CNTNAP2: variants seen among roughly 807,000 people sequenced by gnomAD.
The protein encoded by CNTNAP2 is contactin-associated protein-like 2.
Under a neutral mutation model 155.2 loss-of-function variants are expected in CNTNAP2, and 98 were observed. The observed-to-expected ratio is 0.63, with a 90% confidence interval of 0.54 to 0.75. The LOEUF (loss-of-function observed/expected upper bound fraction) is 0.75, where lower values mean the gene tolerates loss of function less well. Ranked by LOEUF, CNTNAP2 falls within the 30% of genes least tolerant of loss-of-function variation. The pLI, the probability that CNTNAP2 is intolerant of heterozygous loss-of-function variation, is 0.00. For missense variants in CNTNAP2, 1,727 were observed against 1,688.1 expected, an observed-to-expected ratio of 1.02 and a Z score of -0.40; for synonymous variants, 651 against 631.2, an observed-to-expected ratio of 1.03 and a Z score of -0.47.
At chr7:148,280,216 G>C (rs1796947583) in intron 21 of CNTNAP2, among the ~76,000 whole-genome samples, 1 of 152,194 alleles carries the variant, frequency 6.6e-6, no homozygotes, top group South Asian at 2.1e-4. Context: ...GCTGAGGCAG[G>C]AGAATTGCTT....
intron 3 of CNTNAP2, among the ~76,000 whole-genome samples, chr7:146,935,917 C>G (rs552326746): frequency 6.6e-6 from 1 of 152,100 alleles, no homozygotes; most frequent in Non-Finnish European, 1.5e-5. Context: ...GTTATCCTCC[C>G]GATAGTCATA....
At chr7:148,230,188 A>G (rs145353710) in intron 20 of CNTNAP2, among the ~76,000 whole-genome samples, 17 of 152,280 alleles carry the variant, frequency 1.1e-4, no homozygotes, top group African/African-American at 4.1e-4. Context: ...ACACAATACA[A>G]AGAGCTGTAT....
chr7:146,817,813 C>A (rs1190925068), intron 2 of CNTNAP2, among the ~76,000 whole-genome samples: 1 of 152,108 alleles, frequency 6.6e-6, no homozygotes, highest in Admixed American at 6.6e-5. Context: ...CCAGGCTTCA[C>A]CTCCAACATT....
chr7:146,136,958 C>T (rs1797806773), intron 1 of CNTNAP2, among the ~76,000 whole-genome samples: 1 of 152,134 alleles, frequency 6.6e-6, no homozygotes, highest in Non-Finnish European at 1.5e-5. Context: ...GATTAAAATG[C>T]TCTGCATGGC....
intron 13 of CNTNAP2, among the ~76,000 whole-genome samples, chr7:147,682,155 C>T (rs1200204578): frequency 6.6e-6 from 1 of 151,820 alleles, no homozygotes; most frequent in Non-Finnish European, 1.5e-5. Context: ...AGCCATACTC[C>T]AGTACATAAA....
rs377209221 is a variant in CNTNAP2 at position 148,254,569 on chromosome 7, G to A, written c.3382-12464G>A. Among the ~76,000 whole-genome samples, 393 of 152,170 alleles carry A rather than the reference G, an allele frequency of 2.6e-3. 2 individuals are homozygous for A. The highest frequency in any genetic ancestry group is 9.1e-3 in the African/African-American group (379 of 41,518). On this transcript the variant is annotated intron_variant, in intron 20 of 23. Coordinates refer to ENST00000361727, the MANE Select transcript of CNTNAP2 (RefSeq NM_014141.6). ...AGGTGGGCAAATCACGAGGTCAGGAGATCGAGACCATCCTGGCTAACACGG... is the reference window on the plus strand; with the variant it reads ...AGGTGGGCAAATCACGAGGTCAGGAAATCGAGACCATCCTGGCTAACACGG...
chr7:146,277,313 C>G (rs1326721256), intron 1 of CNTNAP2, among the ~76,000 whole-genome samples: 2 of 152,068 alleles, frequency 1.3e-5, no homozygotes, highest in African/African-American at 2.4e-5. Context: ...GTTACGGAGC[C>G]TTAGGAAACT....
intron 22 of CNTNAP2, among the ~76,000 whole-genome samples, chr7:148,386,447 G>T (rs1257500052): frequency 1.3e-5 from 2 of 151,894 alleles, no homozygotes; most frequent in East Asian, 3.9e-4. Flanking sequence ...AGAATCGCTT[G>T]AACTTGGGAG....
At chr7:146,660,852 C>G (rs564680046) in intron 1 of CNTNAP2, among the ~76,000 whole-genome samples, 1 of 152,160 alleles carries the variant, frequency 6.6e-6, no homozygotes, top group African/African-American at 2.4e-5. Context: ...ATGGACTGAA[C>G]ACACCCAGTC....
At chr7:147,712,091 G>A (rs1319605477) in intron 13 of CNTNAP2, among the ~76,000 whole-genome samples, 3 of 152,112 alleles carry the variant, frequency 2.0e-5, no homozygotes, top group African/African-American at 4.8e-5. Context: ...CTTGCTCCAC[G>A]TTTCTTACTC....
chr7:147,119,562 T>A (rs1352084075), intron 5 of CNTNAP2, among the ~76,000 whole-genome samples: 2 of 152,200 alleles, frequency 1.3e-5, no homozygotes, highest in Non-Finnish European at 1.5e-5. Flanking sequence ...CCTCCTCTTG[T>A]CCCTCTCCTT....
intron 15 of CNTNAP2, among the ~76,000 whole-genome samples, chr7:148,044,031 T>C (rs1327865109): frequency 6.6e-6 from 1 of 152,166 alleles, no homozygotes; most frequent in East Asian, 1.9e-4. Flanking sequence ...CTTGAGCTTG[T>C]AACAGACATA....
intron 1 of CNTNAP2, among the ~76,000 whole-genome samples, chr7:146,465,801 G>C (rs962605671): frequency 6.6e-6 from 1 of 152,100 alleles, no homozygotes; most frequent in Non-Finnish European, 1.5e-5. Context: ...TTTGGTTTAT[G>C]TTGTTGTTTT....
At chr7:147,498,682 G>T (rs1311458544) in intron 11 of CNTNAP2, among the ~76,000 whole-genome samples, 3 of 152,206 alleles carry the variant, frequency 2.0e-5, no homozygotes, top group Non-Finnish European at 2.9e-5. Flanking sequence ...ATTGAAAGAA[G>T]TTGAACATAG....
chr7:148,399,350 A>G (rs562213794), intron 22 of CNTNAP2, among the ~76,000 whole-genome samples: 2 of 152,308 alleles, frequency 1.3e-5, no homozygotes, highest in East Asian at 3.9e-4. Flanking sequence ...GCACGTGCCT[A>G]TAGTCCCAGC....
chr7:147,993,918 GA>G (rs896436372), intron 15 of CNTNAP2, among the ~76,000 whole-genome samples: 27 of 145,074 alleles, frequency 1.9e-4, no homozygotes, highest in African/African-American at 5.6e-4. Flanking sequence ...AAGGAATCAA[GA>G]AAAAAAAAAG....
chr7:147,154,361 T>C (rs573363604), intron 8 of CNTNAP2, among the ~76,000 whole-genome samples: 2 of 152,262 alleles, frequency 1.3e-5, no homozygotes, highest in East Asian at 3.9e-4. Flanking sequence ...AGAGTGTATG[T>C]TTGACAATGG....
intron 8 of CNTNAP2, among the ~76,000 whole-genome samples, chr7:147,151,398 C>G (rs114046207): frequency 3.2e-4 from 48 of 151,764 alleles, no homozygotes; most frequent in African/African-American, 1.0e-3. Flanking sequence ...AATAGGCCGA[C>G]AAAATGATAG....
chr7:147,899,013 A>G (rs1339868839), intron 13 of CNTNAP2, among the ~76,000 whole-genome samples: 2 of 152,226 alleles, frequency 1.3e-5, no homozygotes. Flanking sequence ...ATACACAAAT[A>G]TTATATGACT....
Sources: allele counts gnomAD v4.1 joint callset (sites outside exome capture counted in the v4.1 genomes callset), GRCh38; gene constraint gnomAD v4.1.1; transcripts MANE v1.5; gene names NCBI Gene and HGNC (gene_info 2026-07-23, HGNC 2026-07-21).